PTPRK: variants seen among roughly 807,000 people sequenced by gnomAD.
PTPRK encodes receptor-type tyrosine-protein phosphatase kappa.
Under a neutral mutation model 178.0 loss-of-function variants are expected in PTPRK, and 75 were observed. That is an observed-to-expected ratio of 0.42 (90% CI 0.35 to 0.51). The LOEUF is 0.51. PTPRK is among the 20% of genes least tolerant of loss of function. The pLI, the probability that PTPRK is intolerant of heterozygous loss-of-function variation, is 0.02. For missense variants in PTPRK, 1,441 were observed against 1,797.8 expected, an observed-to-expected ratio of 0.80 and a Z score of 3.59; for synonymous variants, 637 against 620.6, an observed-to-expected ratio of 1.03 and a Z score of -0.39.
At chr6:128,208,140 C>T (rs1306155625) in intron 6 of PTPRK, among the ~76,000 whole-genome samples, 1 of 151,868 alleles carries the variant, frequency 6.6e-6, no homozygotes, top group Non-Finnish European at 1.5e-5. Flanking sequence ...CTGCACAGTA[C>T]ACAGAAATGC....
At chr6:128,299,481 G>C (rs1471760412) in intron 3 of PTPRK, among the ~76,000 whole-genome samples, 1 of 151,770 alleles carries the variant, frequency 6.6e-6, no homozygotes, top group Non-Finnish European at 1.5e-5. Flanking sequence ...ATACTACAAG[G>C]CTACAGTAAC....
intron 1 of PTPRK, among the ~76,000 whole-genome samples, chr6:128,428,232 C>T (rs973235110): frequency 9.9e-5 from 15 of 152,148 alleles, no homozygotes; most frequent in African/African-American, 1.7e-4. Context: ...GCGATAAGAC[C>T]GAGTCCATTC....
intron 13 of PTPRK, among the ~76,000 whole-genome samples, chr6:128,015,120 CCTT>C (rs371003640): frequency 6.6e-6 from 1 of 151,628 alleles, no homozygotes; most frequent in Non-Finnish European, 1.5e-5. Context: ...TAAGGCATCT[CCTT>C]CTAGTCTTAG....
At chr6:128,231,495 A>T (rs1172251109) in intron 5 of PTPRK, among the ~76,000 whole-genome samples, 5 of 152,062 alleles carry the variant, frequency 3.3e-5, no homozygotes, top group Non-Finnish European at 7.4e-5. Context: ...CACTCCTCAC[A>T]CTCCTGTCTT....
At chr6:128,150,868 T>C (rs1361483086) in intron 7 of PTPRK, among the ~76,000 whole-genome samples, 1 of 152,266 alleles carries the variant, frequency 6.6e-6, no homozygotes, top group East Asian at 1.9e-4. Context: ...TTTTTGGGTT[T>C]CATGTTTTTA....
At position 128,184,664 on chromosome 6, in the gene PTPRK, G is replaced by T; in HGVS notation, c.930C>A (p.Ile310=). The change falls in exon 7 of 30, where the codon ATC becomes ATA. Residue 310 remains isoleucine (I), a synonymous_variant. Coordinates refer to ENST00000368226, the MANE Select transcript of PTPRK (RefSeq NM_002844.4). ...LLGVGPTYLL[I]QLNANSIIGD... ...CAATGATCGAGTTGGCATTTAGTTG[G>T]ATCAGCAAATATGTAGGCCCAACAC... 1 of 1,613,992 alleles carries T rather than the reference G, an allele frequency of 6.2e-7. No homozygotes were observed. Among genetic ancestry groups the T allele is most frequent in the Non-Finnish European group, 8.5e-7 (1 of 1,179,952 alleles).
intron 1 of PTPRK, among the ~76,000 whole-genome samples, chr6:128,436,947 C>G (rs1238958315): frequency 6.6e-6 from 1 of 152,056 alleles, no homozygotes; most frequent in Admixed American, 6.6e-5. Context: ...GTTAGCGATA[C>G]TGTATTGTGC....
At position 128,401,119 on chromosome 6, in the gene PTPRK, A is replaced by G. The variant is rs972917581; in HGVS notation, c.101-3431T>C. On this transcript the variant is annotated intron_variant, in intron 1 of 29. Coordinates refer to ENST00000368226, the MANE Select transcript of PTPRK (RefSeq NM_002844.4). ...ACAGACTGCTAATTCCTCTACGCCAATCAATCAACTAAGGGACAGATCTAT... is the reference window on the plus strand; with the variant it reads ...ACAGACTGCTAATTCCTCTACGCCAGTCAATCAACTAAGGGACAGATCTAT... 3.9e-5 allele frequency among the ~76,000 whole-genome samples: 6 copies of G among 152,294 alleles called. No individual in the cohort carries two copies. The East Asian group carries it at 5.8e-4, about 15-fold the overall frequency.
rs1480327850 is a variant in PTPRK, at chr6:128,024,747, T to G, written c.2195-15479A>C. On this transcript the variant is annotated intron_variant, in intron 13 of 29. Coordinates refer to ENST00000368226, the MANE Select transcript of PTPRK (RefSeq NM_002844.4). Reference sequence around the variant, plus strand: ...ATTGCAACCTCCTGGGAGGCAGAGGTTGCAGTGAGCCGAGATCGTGGCACT... The same window carrying G: ...ATTGCAACCTCCTGGGAGGCAGAGGGTGCAGTGAGCCGAGATCGTGGCACT... Among the ~76,000 whole-genome samples, 3 of 152,186 alleles carry G rather than the reference T, an allele frequency of 2.0e-5. No individual in the cohort carries two copies. In the East Asian group the frequency reaches 5.8e-4, roughly 30 times the overall value.
chr6:128,066,452 G>T (rs1781774122), intron 12 of PTPRK, among the ~76,000 whole-genome samples: 1 of 151,746 alleles, frequency 6.6e-6, no homozygotes, highest in African/African-American at 2.4e-5. Flanking sequence ...AATACCCAAA[G>T]CTCTCACGGC....
At chr6:128,274,169 C>T (rs1411901273) in intron 3 of PTPRK, among the ~76,000 whole-genome samples, 1 of 151,988 alleles carries the variant, frequency 6.6e-6, no homozygotes, top group Non-Finnish European at 1.5e-5. Flanking sequence ...TAAATAATGA[C>T]CCACCACTTC....
intron 1 of PTPRK, among the ~76,000 whole-genome samples, chr6:128,453,526 G>A (rs1305014007): frequency 6.6e-6 from 1 of 152,050 alleles, no homozygotes; most frequent in East Asian, 1.9e-4. Context: ...ATTATTTTTT[G>A]GTTGCCTTTG....
chr6:128,032,459 G>A (rs1414294213), intron 13 of PTPRK, among the ~76,000 whole-genome samples: 6 of 152,140 alleles, frequency 3.9e-5, no homozygotes, highest in Non-Finnish European at 8.8e-5. Context: ...GCTTCAGCTC[G>A]CCACACTTCT....
chr6:128,518,168 C>T (rs1858376194), intron 1 of PTPRK, among the ~76,000 whole-genome samples: 1 of 152,188 alleles, frequency 6.6e-6, no homozygotes, highest in African/African-American at 2.4e-5. Flanking sequence ...TCTTGAGATG[C>T]AATCCTGTGA....
chr6:127,980,048 C>T lies in PTPRK; in HGVS notation c.3711+1068G>A, dbSNP rs543113479. Among the ~76,000 whole-genome samples the T allele has an allele frequency of 4.3e-4, 66 of 152,226 alleles. 1 individual carries two copies. Among genetic ancestry groups the T allele is most frequent in the African/African-American group, 1.3e-3 (53 of 41,530 alleles). Reference sequence around the variant, plus strand: ...AAAAAAGGCCCGGCACGGTGGCTTACGCCTGTAATCCCAGTACTTTGGGGG... The same window carrying T: ...AAAAAAGGCCCGGCACGGTGGCTTATGCCTGTAATCCCAGTACTTTGGGGG... On this transcript the variant is annotated intron_variant, in intron 25 of 29. Transcript: ENST00000368226.
At chr6:128,097,744 T>C (rs1788140578) in intron 7 of PTPRK, among the ~76,000 whole-genome samples, 1 of 152,172 alleles carries the variant, frequency 6.6e-6, no homozygotes, top group Non-Finnish European at 1.5e-5. Context: ...AATAGGTAAC[T>C]GTCTATACTT....
intron 1 of PTPRK, among the ~76,000 whole-genome samples, chr6:128,454,422 G>A (rs903811976): frequency 6.6e-6 from 1 of 152,168 alleles, no homozygotes; most frequent in South Asian, 2.1e-4. Flanking sequence ...ACAGGCTTTA[G>A]GCCAGGCTAA....
chr6:128,107,719 TC>T (rs1419954040), intron 7 of PTPRK, among the ~76,000 whole-genome samples: 10 of 152,216 alleles, frequency 6.6e-5, no homozygotes. Flanking sequence ...CTGTATTAAA[TC>T]ATAATACTTG....
intron 7 of PTPRK, among the ~76,000 whole-genome samples, chr6:128,091,041 C>T (rs577789580): frequency 3.3e-5 from 5 of 152,214 alleles, no homozygotes; most frequent in Non-Finnish European, 7.4e-5. Flanking sequence ...TAAAAACAAT[C>T]AGCATGCTAA....
Sources: gnomAD v4.1 joint callset for allele counts (sites outside exome capture counted in the v4.1 genomes callset) on GRCh38, gnomAD v4.1.1 for gene constraint, MANE v1.5 for transcripts, NCBI Gene and HGNC (gene_info 2026-07-23, HGNC 2026-07-21) for gene names.